Variants in NRXN1 observed in about 807,000 individuals in gnomAD.
The protein encoded by NRXN1 is neurexin-1.
Under a neutral mutation model 150.9 loss-of-function variants are expected in NRXN1, and 39 were observed. The ratio of observed to expected loss-of-function variants is 0.26; its 90% CI spans 0.20 to 0.34. NRXN1 has a LOEUF of 0.34. NRXN1 is among the 10% of genes least tolerant of loss of function. NRXN1 has a pLI of 1.00. For missense variants in NRXN1, 1,815 were observed against 1,949.9 expected (o/e 0.93, Z 1.30); for synonymous variants, 924 against 757.0 (o/e 1.22, Z -3.62).
chr2:50,519,276 T>G (rs2092715021), intron 12 of NRXN1, among the ~76,000 whole-genome samples: 1 of 152,022 alleles, frequency 6.6e-6, no homozygotes, highest in Non-Finnish European at 1.5e-5. Flanking sequence ...ATGACAGTGC[T>G]AACTTAATTG....
rs569795427 is a variant in NRXN1, at chr2:50,706,187, T to C, written c.833-82572A>G. On this transcript the variant is annotated intron_variant, in intron 5 of 22. Coordinates refer to ENST00000401669, the MANE Select transcript of NRXN1 (RefSeq NM_001330078.2). ...TATGGTTACTGCCTTCTTTACATCT[T>C]TGTCAATCCTTCAAAAGCATTTCCA... Among the ~76,000 whole-genome samples the C allele has an allele frequency of 2.6e-5, 4 of 152,284 alleles. No homozygotes were observed. In the East Asian group the frequency reaches 5.8e-4, roughly 22 times the overall value.
At chr2:50,283,650 T>G (rs1272386812) in intron 17 of NRXN1, among the ~76,000 whole-genome samples, 1 of 152,158 alleles carries the variant, frequency 6.6e-6, no homozygotes, top group Non-Finnish European at 1.5e-5. Flanking sequence ...TCAGTGATTA[T>G]TTCTCTTAGC....
intron 18 of NRXN1, among the ~76,000 whole-genome samples, chr2:50,135,926 T>A (rs1706336454): frequency 6.6e-6 from 1 of 152,174 alleles, no homozygotes; most frequent in African/African-American, 2.4e-5. Flanking sequence ...TTAATCTTGG[T>A]CAATTCCATT....
chr2:50,952,981 G>A (rs1166689400), intron 2 of NRXN1, among the ~76,000 whole-genome samples: 1 of 152,088 alleles, frequency 6.6e-6, no homozygotes, highest in Non-Finnish European at 1.5e-5. Flanking sequence ...GTACACAGGA[G>A]GTAATCCATA....
At chr2:50,532,988 A>C (rs753930403) in intron 10 of NRXN1, among the ~76,000 whole-genome samples, 1 of 152,190 alleles carries the variant, frequency 6.6e-6, no homozygotes, top group Non-Finnish European at 1.5e-5. Flanking sequence ...CATAGCAATT[A>C]AGTGTACTGA....
At chr2:50,242,510 T>A (rs1431685337) in intron 17 of NRXN1, among the ~76,000 whole-genome samples, 7 of 151,790 alleles carry the variant, frequency 4.6e-5, no homozygotes, top group Non-Finnish European at 1.0e-4. Flanking sequence ...AGGTTCCTAA[T>A]TACTAAAATT....
intron 18 of NRXN1, among the ~76,000 whole-genome samples, chr2:50,159,118 T>C (rs2059211745): frequency 1.3e-5 from 2 of 152,106 alleles, no homozygotes; most frequent in African/African-American, 4.8e-5. Context: ...TAAACCAATA[T>C]TCTATATACT....
At chr2:50,893,792 A>G (rs1386900983) in intron 5 of NRXN1, among the ~76,000 whole-genome samples, 1 of 151,594 alleles carries the variant, frequency 6.6e-6, no homozygotes, top group Admixed American at 6.6e-5. Flanking sequence ...GATTTTTTCA[A>G]CAATTTATTA....
chr2:49,946,422 CT>C (rs748066757), intron 21 of NRXN1, among the ~76,000 whole-genome samples: 7 of 152,012 alleles, frequency 4.6e-5, no homozygotes. Context: ...TTTGTTGCCA[CT>C]GCTTTTTGTG....
At chr2:50,401,530 C>A (rs2082391210) in intron 17 of NRXN1, among the ~76,000 whole-genome samples, 1 of 151,954 alleles carries the variant, frequency 6.6e-6, no homozygotes, top group South Asian at 2.1e-4. Context: ...AGATTTGATT[C>A]CCTTCCAAAG....
At chr2:50,307,340 A>G (rs531459013) in intron 17 of NRXN1, among the ~76,000 whole-genome samples, 1 of 152,260 alleles carries the variant, frequency 6.6e-6, no homozygotes, top group African/African-American at 2.4e-5. Flanking sequence ...GCTTAGAGAC[A>G]TGTCAAATTA....
intron 13 of NRXN1, among the ~76,000 whole-genome samples, chr2:50,501,060 GA>G (rs1479726988): frequency 6.6e-6 from 1 of 152,182 alleles, no homozygotes; most frequent in Non-Finnish European, 1.5e-5. Context: ...TGAATTTGAT[GA>G]ACGAGGTATT....
At chr2:50,263,223 G>T (rs894150814) in intron 17 of NRXN1, among the ~76,000 whole-genome samples, 1 of 151,524 alleles carries the variant, frequency 6.6e-6, no homozygotes, top group Non-Finnish European at 1.5e-5. Context: ...CCTGTTCAGT[G>T]TCATAAAGTT....
chr2:50,915,673 T>C (rs1261425517), intron 5 of NRXN1, among the ~76,000 whole-genome samples: 2 of 151,436 alleles, frequency 1.3e-5, no homozygotes, highest in African/African-American at 2.4e-5. Context: ...ATTAATATGA[T>C]GGAAAGAAGA....
intron 5 of NRXN1, among the ~76,000 whole-genome samples, chr2:50,842,725 G>A (rs1673051637): frequency 6.6e-6 from 1 of 152,112 alleles, no homozygotes; most frequent in Admixed American, 6.5e-5. Flanking sequence ...ACCTCTACAT[G>A]TTCATGGGAT....
At chr2:50,934,746 T>C (rs1317120926) in intron 2 of NRXN1, among the ~76,000 whole-genome samples, 1 of 152,196 alleles carries the variant, frequency 6.6e-6, no homozygotes, top group African/African-American at 2.4e-5. Flanking sequence ...AAAGCAAACA[T>C]CTATTTAGAG....
intron 8 of NRXN1, among the ~76,000 whole-genome samples, chr2:50,588,087 T>C (rs2103757513): frequency 6.6e-6 from 1 of 152,346 alleles, no homozygotes; most frequent in Non-Finnish European, 1.5e-5. Context: ...AGCAAGTTGA[T>C]TGTTTCCTAC....
chr2:50,117,484 T>C (rs1703225297), intron 18 of NRXN1, among the ~76,000 whole-genome samples: 1 of 152,128 alleles, frequency 6.6e-6, no homozygotes, highest in African/African-American at 2.4e-5. Context: ...GTGCAGCATA[T>C]ATTTGAGCCT....
At chr2:49,986,189 T>C (rs1680878300) in intron 21 of NRXN1, among the ~76,000 whole-genome samples, 1 of 152,214 alleles carries the variant, frequency 6.6e-6, no homozygotes, top group African/African-American at 2.4e-5. Flanking sequence ...ATAAATAATC[T>C]AGCATTTCTC....
Sources: allele counts gnomAD v4.1 joint callset (sites outside exome capture counted in the v4.1 genomes callset), GRCh38; gene constraint gnomAD v4.1.1; transcripts MANE v1.5; gene names NCBI Gene and HGNC (gene_info 2026-07-23, HGNC 2026-07-21).